URB1: variants seen among roughly 807,000 people sequenced by gnomAD.
The protein encoded by URB1 is nucleolar pre-ribosomal-associated protein 1.
Under a neutral mutation model 242.3 loss-of-function variants are expected in URB1, and 197 were observed. That is an observed-to-expected ratio of 0.81 (90% confidence interval 0.72 to 0.91). URB1 has a LOEUF of 0.91. Among genes scored for constraint, URB1 ranks in the 40% least tolerant of loss-of-function variants. The pLI, the probability that URB1 is intolerant of heterozygous loss-of-function variation, is 0.00. For synonymous variants in URB1, 1,153 were observed against 1,201.8 expected, an observed-to-expected ratio of 0.96 and a Z score of 0.84; for missense variants, 2,721 against 2,860.5, an observed-to-expected ratio of 0.95 and a Z score of 1.11.
At position 32,312,970 on chromosome 21, in the gene URB1, G is replaced by GA. The variant is rs2032615426; in HGVS notation, c.*1947dup. 1 of 152,162 alleles carries GA rather than the reference G, an allele frequency of 6.6e-6. No individual in the cohort carries two copies. Among genetic ancestry groups the GA allele is most frequent in the South Asian group, 2.1e-4 (1 of 4,822 alleles). The allele number at this position is 152,162 out of a possible 1,614,324, so 9.4% of individuals were successfully genotyped here. On this transcript the variant is annotated 3_prime_UTR_variant, in exon 39 of 39. Transcript: ENST00000382751. The stretch of plus-strand genomic sequence containing the variant: ...CACACTAAGTGACTGGAAAATACAC[G>GA]AACAAGGTCAGGGCAGTGGATTTAA...
At chr21:32,365,722 G>A (rs1246733644) in intron 10 of URB1, among the ~76,000 whole-genome samples, 1 of 152,154 alleles carries the variant, frequency 6.6e-6, no homozygotes, top group Non-Finnish European at 1.5e-5. Context: ...ACAAACCCTG[G>A]AGGGGTATCA....
chr21:32,365,140 C>T (rs144457483), intron 10 of URB1, among the ~76,000 whole-genome samples: 3 of 152,366 alleles, frequency 2.0e-5, no homozygotes, highest in East Asian at 1.9e-4. Flanking sequence ...AGAGCAAATG[C>T]AGCCCACAGA....
chr21:32,346,908 C>T, intron 22 of URB1, 48 bp downstream of exon 22: 2 of 1,459,878 alleles, frequency 1.4e-6, no homozygotes, highest in Non-Finnish European at 1.8e-6. Flanking sequence ...ACCTTCTTAG[C>T]CCGTGCAACT....
At chr21:32,381,197 T>A (rs191784733) in intron 4 of URB1, among the ~76,000 whole-genome samples, 2 of 152,268 alleles carry the variant, frequency 1.3e-5, no homozygotes, top group East Asian at 3.9e-4. Context: ...CTGCTCTTCA[T>A]TCCCACCCTG....
At chr21:32,333,915 G>A (rs1053224208) in intron 29 of URB1, among the ~76,000 whole-genome samples, 3 of 152,238 alleles carry the variant, frequency 2.0e-5, no homozygotes. Flanking sequence ...TCCTTGGGAT[G>A]TGCTGCAACA....
chr21:32,334,075 T>A (rs1419569577), intron 29 of URB1, 88 bp downstream of exon 29: 1 of 1,411,494 alleles, frequency 7.1e-7, no homozygotes, highest in East Asian at 2.5e-5. Context: ...AAAAGGTAAA[T>A]AACAAGAAAA....
intron 1 of URB1, among the ~76,000 whole-genome samples, chr21:32,386,139 ACT>A (rs1430262951): frequency 6.7e-6 from 1 of 148,910 alleles, no homozygotes; most frequent in East Asian, 2.0e-4. Context: ...ACAGAGCAAG[ACT>A]CTGTCTCAGG....
intron 37 of URB1, among the ~76,000 whole-genome samples, chr21:32,317,272 A>C (rs1026075198): frequency 1.3e-5 from 2 of 152,138 alleles, no homozygotes; most frequent in Non-Finnish European, 1.5e-5. Flanking sequence ...ATTAATCCTC[A>C]CACCATGAGG....
rs149748556 is a variant in URB1, at chr21:32,356,440, G to A, written c.1990-875C>T. Among the ~76,000 whole-genome samples, 525 of 152,182 alleles carry A rather than the reference G, an allele frequency of 3.4e-3. 5 individuals are homozygous for A. The highest frequency in any genetic ancestry group is 0.012 in the African/African-American group (491 of 41,512). On this transcript the variant is annotated intron_variant, in intron 15 of 38. Coordinates refer to ENST00000382751, the MANE Select transcript of URB1 (RefSeq NM_014825.3). ...ATCCCTTCTCTCAAGGCTACTCATC[G>A]TTTATCCTCATTTCCTAAATAAAAA...
intron 30 of URB1, among the ~76,000 whole-genome samples, chr21:32,331,014 T>C (rs1033925629): frequency 6.6e-6 from 1 of 152,174 alleles, no homozygotes; most frequent in Non-Finnish European, 1.5e-5. Flanking sequence ...TATTCAGAAG[T>C]AGGAGCATTT....
At chr21:32,333,032 G>C (rs998650659) in intron 30 of URB1, 2 of 385,312 alleles carry the variant, frequency 5.2e-6, no homozygotes, top group East Asian at 1.2e-4. Flanking sequence ...TAAAAATGCA[G>C]AAAATGTTCA....
At chr21:32,346,162 G>A (rs569569665) in intron 22 of URB1, among the ~76,000 whole-genome samples, 2 of 152,234 alleles carry the variant, frequency 1.3e-5, no homozygotes, top group African/African-American at 4.8e-5. Flanking sequence ...CCCTCTGGCC[G>A]TGTGATCTCT....
At chr21:32,321,261 T>C (rs935366481) in intron 34 of URB1, among the ~76,000 whole-genome samples, 1 of 152,246 alleles carries the variant, frequency 6.6e-6, no homozygotes, top group African/African-American at 2.4e-5. Context: ...TATTTCCTTC[T>C]ACCACCTACC....
At chr21:32,334,412 A>G (rs2032933233) in intron 28 of URB1, 78 bp from the exon 29 acceptor site, 7 of 1,447,798 alleles carry the variant, frequency 4.8e-6, no homozygotes, top group Non-Finnish European at 5.5e-6. Flanking sequence ...AACAACAGGT[A>G]GCAGTTGTCA....
At chr21:32,360,483 A>G (rs934688259) in intron 13 of URB1, among the ~76,000 whole-genome samples, 2 of 152,344 alleles carry the variant, frequency 1.3e-5, no homozygotes, top group Non-Finnish European at 2.9e-5. Flanking sequence ...TCCAAGAATG[A>G]TATTTTTGCA....
At chr21:32,350,564 TG>T in intron 20 of URB1, 139 bp downstream of exon 20, 1 of 995,912 alleles carries the variant, frequency 1.0e-6, no homozygotes, top group Non-Finnish European at 1.5e-6. Flanking sequence ...AGCTGAGGTC[TG>T]GACAGAACAG....
chr21:32,336,363 G>A (rs7282805), intron 28 of URB1, among the ~76,000 whole-genome samples: 3,947 of 152,164 alleles, frequency 0.026, 52 homozygotes, highest in African/African-American at 0.043. Flanking sequence ...CAGTCAGCCC[G>A]CCTCCTGGCT....
intron 4 of URB1, among the ~76,000 whole-genome samples, chr21:32,379,512 G>T (rs61017096): frequency 6.6e-6 from 1 of 152,218 alleles, no homozygotes; most frequent in Non-Finnish European, 1.5e-5. Flanking sequence ...AGTAGTAGCA[G>T]GAGAGGTGGT....
chr21:32,375,389 AG>A lies in URB1; in HGVS notation c.750+8del. On this transcript the variant is annotated splice_region_variant and intron_variant, in intron 6 of 38. Coordinates refer to ENST00000382751, the MANE Select transcript of URB1 (RefSeq NM_014825.3). ...CAGACAACAGAAACGCGGATCACCAAGCACATACCTTTGTTTTCAGTGTGGA... is the reference window on the plus strand; with the variant it reads ...CAGACAACAGAAACGCGGATCACCAACACATACCTTTGTTTTCAGTGTGGA... 6.7e-7 allele frequency: 1 copy of A among 1,496,028 alleles called. No homozygotes were observed. The highest frequency in any genetic ancestry group is 1.4e-5 in the African/African-American group (1 of 70,384). The allele number at this position is 1,496,028 out of a possible 1,614,324, so 92.7% of individuals were successfully genotyped here.
Sources: gnomAD v4.1 joint callset for allele counts (sites outside exome capture counted in the v4.1 genomes callset) on GRCh38, gnomAD v4.1.1 for gene constraint, MANE v1.5 for transcripts, NCBI Gene and HGNC (gene_info 2026-07-23, HGNC 2026-07-21) for gene names.